ZFPM2: variants seen among roughly 807,000 people sequenced by gnomAD.
ZFPM2 encodes the protein zinc finger protein ZFPM2.
In ZFPM2, 20 loss-of-function variants were observed where a neutral mutation model predicts 98.6. The ratio of observed to expected loss-of-function variants is 0.20; its 90% CI spans 0.14 to 0.29. The LOEUF (loss-of-function observed/expected upper bound fraction) is 0.29. Among genes scored for constraint, ZFPM2 ranks in the 10% least tolerant of loss-of-function variants. The pLI is 1.00. For synonymous variants in ZFPM2, 518 were observed against 502.7 expected (o/e 1.03, Z -0.41); for missense variants, 1,310 against 1,388.6 (o/e 0.94, Z 0.90).
intron 3 of ZFPM2, among the ~76,000 whole-genome samples, chr8:105,555,341 C>T (rs1470960631): frequency 6.6e-6 from 1 of 151,888 alleles, no homozygotes; most frequent in Non-Finnish European, 1.5e-5. Context: ...TTTTATCCCA[C>T]TCCGTATTCT....
chr8:105,319,147 T>C (rs1811968754), intron 1 of ZFPM2, among the ~76,000 whole-genome samples, 166 bp downstream of exon 1: 1 of 152,100 alleles, frequency 6.6e-6, no homozygotes, highest in South Asian at 2.1e-4. Flanking sequence ...TAGACAGTCA[T>C]AGACAGACAG....
intron 5 of ZFPM2, among the ~76,000 whole-genome samples, chr8:105,759,758 T>G (rs2131069710): frequency 6.6e-6 from 1 of 152,128 alleles, no homozygotes; most frequent in South Asian, 2.1e-4. Context: ...CCATGAATTC[T>G]TTTCATTCAC....
rs542880264 is a variant in ZFPM2, at chr8:105,513,468, C to T, written c.302-47895C>T. 6.2e-4 allele frequency among the ~76,000 whole-genome samples: 95 copies of T among 152,268 alleles called. 1 individual carries two copies. The highest frequency in any genetic ancestry group is 2.0e-3 in the African/African-American group (85 of 41,558). On this transcript the variant is annotated intron_variant, in intron 3 of 7. Transcript: ENST00000407775. ...GTCCCTTTCTTTCAGATCTCATGTA[C>T]ATCATCACGTCAGTAGTTAGTATCC...
chr8:105,614,529 CATAATT>C (rs924116908), intron 4 of ZFPM2, among the ~76,000 whole-genome samples: 4 of 152,076 alleles, frequency 2.6e-5, no homozygotes, highest in Non-Finnish European at 4.4e-5. Context: ...TACTCTAATG[CATAATT>C]ATAATTATGC....
At chr8:105,548,337 ATAATT>A (rs932234079) in intron 3 of ZFPM2, among the ~76,000 whole-genome samples, 6 of 152,164 alleles carry the variant, frequency 3.9e-5, no homozygotes, top group African/African-American at 9.6e-5. Flanking sequence ...TAAGAGTAAT[ATAATT>A]TAAGTTAAAA....
chr8:105,779,196 C>T (rs1813186324), intron 5 of ZFPM2, among the ~76,000 whole-genome samples: 1 of 152,084 alleles, frequency 6.6e-6, no homozygotes, highest in South Asian at 2.1e-4. Context: ...ACTGATATTC[C>T]TATCTATTGC....
intron 4 of ZFPM2, among the ~76,000 whole-genome samples, chr8:105,567,265 C>CT (rs1193157736): frequency 1.3e-5 from 2 of 152,178 alleles, no homozygotes; most frequent in African/African-American, 4.8e-5. Context: ...ACACCTGTGA[C>CT]TTTTCTACCT....
At chr8:105,677,023 T>C (rs1223145922) in intron 5 of ZFPM2, among the ~76,000 whole-genome samples, 1 of 152,092 alleles carries the variant, frequency 6.6e-6, no homozygotes, top group East Asian at 1.9e-4. Context: ...TGGACTAGTT[T>C]TTCAGTCCAG....
At chr8:105,755,359 A>G (rs1327748904) in intron 5 of ZFPM2, among the ~76,000 whole-genome samples, 3 of 152,088 alleles carry the variant, frequency 2.0e-5, no homozygotes, top group Non-Finnish European at 4.4e-5. Flanking sequence ...TTTTTTCTGT[A>G]AAGTTCTATG....
At chr8:105,462,588 T>G (rs1392377176) in intron 3 of ZFPM2, among the ~76,000 whole-genome samples, 1 of 152,144 alleles carries the variant, frequency 6.6e-6, no homozygotes, top group Non-Finnish European at 1.5e-5. Flanking sequence ...CTGTCAACTT[T>G]CTATCTCTAC....
intron 5 of ZFPM2, among the ~76,000 whole-genome samples, chr8:105,740,756 A>G (rs2131032675): frequency 6.6e-6 from 1 of 151,982 alleles, no homozygotes; most frequent in South Asian, 2.1e-4. Flanking sequence ...CCTGCTTCCC[A>G]TAGGAGTTTA....
chr8:105,325,246 G>A (rs181056740), intron 1 of ZFPM2, among the ~76,000 whole-genome samples: 1 of 151,816 alleles, frequency 6.6e-6, no homozygotes, highest in Admixed American at 6.6e-5. Context: ...GTTTAATAAG[G>A]TTACATTTTT....
chr8:105,701,907 T>C (rs1163536616), intron 5 of ZFPM2, among the ~76,000 whole-genome samples: 2 of 152,226 alleles, frequency 1.3e-5, no homozygotes, highest in African/African-American at 2.4e-5. Context: ...TATAGCAGTC[T>C]TTCTTTCTAC....
intron 1 of ZFPM2, chr8:105,319,484 G>C (rs991667477): frequency 6.6e-6 from 1 of 152,390 alleles, no homozygotes; most frequent in African/African-American, 2.4e-5. Flanking sequence ...GAGCGTCAGG[G>C]TCCCGATCCT....
At chr8:105,329,426 T>C (rs540228389) in intron 1 of ZFPM2, among the ~76,000 whole-genome samples, 26 of 151,998 alleles carry the variant, frequency 1.7e-4, no homozygotes, top group African/African-American at 6.3e-4. Flanking sequence ...TCCATGTTAA[T>C]TTAACTTAAT....
chr8:105,783,097 CCTT>C (rs753788860), intron 5 of ZFPM2, among the ~76,000 whole-genome samples: 5 of 151,996 alleles, frequency 3.3e-5, no homozygotes, highest in Non-Finnish European at 7.4e-5. Context: ...AAAGTGAACT[CCTT>C]CTTAGCAGCA....
intron 3 of ZFPM2, among the ~76,000 whole-genome samples, chr8:105,479,712 T>A (rs946529939): frequency 1.3e-5 from 2 of 152,188 alleles, no homozygotes; most frequent in African/African-American, 4.8e-5. Flanking sequence ...TGTTTATTAT[T>A]TCAGGAAGTA....
chr8:105,688,685 A>G (rs1179092463), intron 5 of ZFPM2, among the ~76,000 whole-genome samples: 2 of 152,254 alleles, frequency 1.3e-5, no homozygotes, highest in Non-Finnish European at 2.9e-5. Context: ...ATAGTCTTCT[A>G]TACATTTACA....
At chr8:105,703,492 A>G (rs1473691620) in intron 5 of ZFPM2, among the ~76,000 whole-genome samples, 1 of 152,182 alleles carries the variant, frequency 6.6e-6, no homozygotes, top group Non-Finnish European at 1.5e-5. Context: ...TACACAAAGT[A>G]GAAAGTTTTT....
Sources: allele counts gnomAD v4.1 joint callset (sites outside exome capture counted in the v4.1 genomes callset), GRCh38; gene constraint gnomAD v4.1.1; transcripts MANE v1.5; gene names NCBI Gene and HGNC (gene_info 2026-07-23, HGNC 2026-07-21).